Variants in COL14A1 observed in about 807,000 individuals in gnomAD.
COL14A1 encodes collagen type XIV alpha 1 chain.
Under a neutral mutation model 230.3 loss-of-function variants are expected in COL14A1, and 136 were observed. The ratio of observed to expected loss-of-function variants is 0.59; its 90% CI spans 0.51 to 0.68. COL14A1 has a LOEUF of 0.68. COL14A1 is among the 30% of genes least tolerant of loss of function. The probability of loss-of-function intolerance (pLI) is 0.00; values close to 1 mark genes in which losing one functional copy is unlikely to be tolerated. For synonymous variants in COL14A1, 792 were observed against 784.1 expected, an observed-to-expected ratio of 1.01 and a Z score of -0.17; for missense variants, 1,976 against 2,215.8, an observed-to-expected ratio of 0.89 and a Z score of 2.17.
intron 45 of COL14A1, among the ~76,000 whole-genome samples, chr8:120,354,248 G>T (rs1324539106): frequency 1.0e-5 from 1 of 98,260 alleles, no homozygotes; most frequent in African/African-American, 4.1e-5. Context: ...TTGTGGGGTG[G>T]GGGGAGGGGG....
At chr8:120,308,042 C>G (rs1820906340) in intron 36 of COL14A1, among the ~76,000 whole-genome samples, 1 of 152,154 alleles carries the variant, frequency 6.6e-6, no homozygotes, top group Admixed American at 6.5e-5. Flanking sequence ...GGTGCAGTGG[C>G]ATGATCTCGG....
chr8:120,159,685 T>C (rs1010516251), intron 3 of COL14A1, among the ~76,000 whole-genome samples: 6 of 152,134 alleles, frequency 3.9e-5, no homozygotes, highest in Non-Finnish European at 7.3e-5. Flanking sequence ...CTTTTATTTA[T>C]TTTTTAATTT....
At chr8:120,241,775 A>C (rs1563691490) in intron 19 of COL14A1, among the ~76,000 whole-genome samples, 1 of 152,150 alleles carries the variant, frequency 6.6e-6, no homozygotes, top group Non-Finnish European at 1.5e-5. Context: ...AGGCCCAGAC[A>C]AGATTCTTGG....
At chr8:120,250,793 C>A in intron 22 of COL14A1, 27 bp downstream of exon 22, 3 of 1,612,394 alleles carry the variant, frequency 1.9e-6, no homozygotes, top group Non-Finnish European at 2.5e-6. Flanking sequence ...ATGGCCTCAG[C>A]CGCATATGGG....
chr8:120,211,486 A>G (rs76103299), intron 12 of COL14A1, among the ~76,000 whole-genome samples: 3,814 of 152,260 alleles, frequency 0.025, 124 homozygotes, highest in African/African-American at 0.081. Context: ...CAGAAGTACA[A>G]AAATGCAGCA....
At chr8:120,273,621 A>G (rs1014981454) in intron 26 of COL14A1, among the ~76,000 whole-genome samples, 12 of 151,674 alleles carry the variant, frequency 7.9e-5, no homozygotes, top group African/African-American at 2.7e-4. Flanking sequence ...TACAACCAAC[A>G]CCACAGAAAT....
intron 42 of COL14A1, among the ~76,000 whole-genome samples, chr8:120,335,689 G>C (rs779574919): frequency 1.3e-5 from 2 of 152,178 alleles, no homozygotes. Flanking sequence ...TGCCAGAAAG[G>C]CTTGCTTTTG....
Position 120,300,820 on chromosome 8 carries a change from T to C in COL14A1, c.4401+2T>C. Reference sequence around the variant, plus strand: ...GCTCTGGGACCAGCGGGCCCACCAGTAAGTCTTGCTGAGTTCAGCCTTAAA... The same window carrying C: ...GCTCTGGGACCAGCGGGCCCACCAGCAAGTCTTGCTGAGTTCAGCCTTAAA... On this transcript the variant is annotated splice_donor_variant, in intron 36 of 47. Coordinates refer to ENST00000297848, the MANE Select transcript of COL14A1 (RefSeq NM_021110.4). LOFTEE classifies it high-confidence loss of function. 1 of 1,611,554 alleles carries C rather than the reference T, an allele frequency of 6.2e-7. No individual in the cohort carries two copies. The highest frequency in any genetic ancestry group is 2.2e-5 in the East Asian group (1 of 44,856).
intron 37 of COL14A1, among the ~76,000 whole-genome samples, chr8:120,313,529 T>C (rs1247717680): frequency 6.6e-6 from 1 of 152,054 alleles, no homozygotes; most frequent in East Asian, 1.9e-4. Flanking sequence ...GGTAGGTGGT[T>C]GACAGTAGCG....
chr8:120,274,974 A>C, intron 26 of COL14A1, among the ~76,000 whole-genome samples: 1 of 93,650 alleles, frequency 1.1e-5, no homozygotes, highest in Admixed American at 1.0e-4. Flanking sequence ...ATCGTTTTTC[A>C]CAGAATTAGA....
intron 15 of COL14A1, 146 bp downstream of exon 15, chr8:120,225,360 T>G (rs1363680951): frequency 1.5e-6 from 1 of 686,860 alleles, no homozygotes; most frequent in Non-Finnish European, 2.3e-6. Flanking sequence ...AAATAAACAA[T>G]TGGATGACTA....
intron 14 of COL14A1, among the ~76,000 whole-genome samples, chr8:120,220,470 C>T (rs1420604017): frequency 6.6e-6 from 1 of 152,060 alleles, no homozygotes; most frequent in Non-Finnish European, 1.5e-5. Flanking sequence ...GATAGGGTTT[C>T]ACCATGTTGG....
intron 5 of COL14A1, among the ~76,000 whole-genome samples, chr8:120,170,784 G>A (rs1816071301): frequency 6.6e-6 from 1 of 151,614 alleles, no homozygotes; most frequent in Admixed American, 6.6e-5. Context: ...TTCACCTCAA[G>A]GACTATTTTA....
chr8:120,209,744 A>C lies in COL14A1; in HGVS notation c.1322-12A>C, dbSNP rs2130757574. 6.3e-7 allele frequency: 1 copy of C among 1,594,884 alleles called. No individual in the cohort carries two copies. Among genetic ancestry groups the C allele is most frequent in the East Asian group, 2.2e-5 (1 of 44,578 alleles). On this transcript the variant is annotated splice_polypyrimidine_tract_variant and intron_variant, in intron 11 of 47. Transcript: ENST00000297848. ...ATAAGTGGCTCAACATTTAAAAAAA[A>C]ATCTCTTGCAGTTGCTTTACCGATG...
rs773164115 is a variant in COL14A1 at position 120,226,777 on chromosome 8, T to C, written c.2004+11T>C. On this transcript the variant is annotated intron_variant, in intron 16 of 47. Transcript: ENST00000297848. Reference sequence around the variant, plus strand: ...GGGAAGACTGAGGAGGTGAGTTTTCTGAAACAGACTGAAAATTAATCTGGA... The same window carrying C: ...GGGAAGACTGAGGAGGTGAGTTTTCCGAAACAGACTGAAAATTAATCTGGA... 1 of 1,610,852 alleles carries C rather than the reference T, an allele frequency of 6.2e-7. No individual in the cohort carries two copies. The highest frequency in any genetic ancestry group is 8.5e-7 in the Non-Finnish European group (1 of 1,177,898).
At chr8:120,286,163 A>AG (rs1554619201) in intron 33 of COL14A1, among the ~76,000 whole-genome samples, 193 bp downstream of exon 33, 4 of 145,842 alleles carry the variant, frequency 2.7e-5, no homozygotes, top group African/African-American at 1.0e-4. Flanking sequence ...TGAAATGTGC[A>AG]TTTTTTTTTT....
At chr8:120,185,821 G>A (rs1470339802) in intron 5 of COL14A1, among the ~76,000 whole-genome samples, 2 of 152,118 alleles carry the variant, frequency 1.3e-5, no homozygotes, top group East Asian at 1.9e-4. Context: ...TGCCCAGGCT[G>A]CAGTGCAATG....
In COL14A1 at chr8:120,208,228, A is replaced by G. The variant is rs755136097; in HGVS notation, c.1192-4A>G. 1.9e-6 allele frequency: 3 copies of G among 1,604,612 alleles called. No individual in the cohort carries two copies. The highest frequency in any genetic ancestry group is 2.6e-6 in the Non-Finnish European group (3 of 1,173,680). Reference sequence around the variant, plus strand: ...TCTCATTACTCAAACTGTTCTTTAAACAGGTGGTGGTAGATGGAACTGTAT... The same window carrying G: ...TCTCATTACTCAAACTGTTCTTTAAGCAGGTGGTGGTAGATGGAACTGTAT... On this transcript the variant is annotated splice_region_variant and splice_polypyrimidine_tract_variant and intron_variant, in intron 10 of 47. Coordinates refer to ENST00000297848, the MANE Select transcript of COL14A1 (RefSeq NM_021110.4).
intron 19 of COL14A1, among the ~76,000 whole-genome samples, chr8:120,243,431 A>G (rs1179106415): frequency 6.6e-6 from 1 of 152,044 alleles, no homozygotes; most frequent in Non-Finnish European, 1.5e-5. Flanking sequence ...CTGAAAGAAG[A>G]AAATGCTGGG....
Sources: gnomAD v4.1 joint callset for allele counts (sites outside exome capture counted in the v4.1 genomes callset) on GRCh38, gnomAD v4.1.1 for gene constraint, MANE v1.5 for transcripts, NCBI Gene and HGNC (gene_info 2026-07-23, HGNC 2026-07-21) for gene names.